The following NUP188 variants were observed in gnomAD, a reference collection of about 807,000 sequenced individuals.
The protein encoded by NUP188 is nucleoporin NUP188.
Under a neutral mutation model 223.0 loss-of-function variants are expected in NUP188, and 97 were observed. The observed-to-expected ratio is 0.43, with a 90% CI of 0.37 to 0.51. The LOEUF (loss-of-function observed/expected upper bound fraction) is 0.51, where lower values mean the gene tolerates loss of function less well. Among genes scored for constraint, NUP188 ranks in the 20% least tolerant of loss-of-function variants. The probability of loss-of-function intolerance (pLI) is 0.00; values close to 1 mark genes in which losing one functional copy is unlikely to be tolerated. For missense variants in NUP188, 1,947 were observed against 2,175.6 expected, an observed-to-expected ratio of 0.89 and a Z score of 2.09; for synonymous variants, 869 against 828.0, an observed-to-expected ratio of 1.05 and a Z score of -0.85.
intron 8 of NUP188, among the ~76,000 whole-genome samples, chr9:128,967,212 GT>G (rs1842041804): frequency 6.6e-6 from 1 of 152,098 alleles, no homozygotes; most frequent in African/African-American, 2.4e-5. Flanking sequence ...GTCTCACTGT[GT>G]TTCCCAGACT....
At chr9:128,950,244 G>T (rs1039689336) in intron 2 of NUP188, among the ~76,000 whole-genome samples, 6 of 151,182 alleles carry the variant, frequency 4.0e-5, no homozygotes, top group Admixed American at 2.6e-4. Flanking sequence ...TTGTTGTTGA[G>T]ACAGAGTCTG....
intron 4 of NUP188, among the ~76,000 whole-genome samples, chr9:128,956,644 A>G (rs915227150): frequency 6.6e-6 from 1 of 152,220 alleles, no homozygotes; most frequent in Non-Finnish European, 1.5e-5. Context: ...TTCACCAGAC[A>G]TGTGGTGGTC....
chr9:128,981,429 T>G (rs780603765), intron 15 of NUP188, 39 bp downstream of exon 15: 6 of 1,579,578 alleles, frequency 3.8e-6, no homozygotes, highest in African/African-American at 1.4e-5. Context: ...CAGCTTTTTT[T>G]TTTTTTGATG....
chr9:128,949,127 G>T, intron 1 of NUP188, 62 bp from the exon 2 acceptor site: 2 of 1,195,420 alleles, frequency 1.7e-6, no homozygotes, highest in South Asian at 2.6e-5. Flanking sequence ...ATGGCTATGA[G>T]GCAGTGTACA....
intron 8 of NUP188, among the ~76,000 whole-genome samples, chr9:128,959,746 G>A (rs896821380): frequency 6.6e-6 from 1 of 151,510 alleles, no homozygotes; most frequent in Non-Finnish European, 1.5e-5. Flanking sequence ...CACCATGTTG[G>A]CCAGGCTGGT....
rs534859236 is a variant in NUP188, at chr9:128,953,036, CTAGAAATACAGTATTG to C, written c.161+196_161+211del. 459 of 532,232 alleles carry C rather than the reference CTAGAAATACAGTATTG, an allele frequency of 8.6e-4. 4 individuals are homozygous for C. The highest frequency in any genetic ancestry group is 8.3e-3 in the African/African-American group (432 of 51,888). The allele number at this position is 532,232 out of a possible 1,614,324, so 33.0% of individuals were successfully genotyped here. On this transcript the variant is annotated intron_variant, in intron 3 of 43. Coordinates refer to ENST00000372577, the MANE Select transcript of NUP188 (RefSeq NM_015354.3). The stretch of plus-strand genomic sequence containing the variant: ...TGACCGAAAGAAAAGGAAATTCCTT[CTAGAAATACAGTATTG>C]TAGAATATAATTATGACCTATGTGT...
At chr9:128,996,267 A>T (rs150317193) in intron 30 of NUP188, among the ~76,000 whole-genome samples, 1 of 151,642 alleles carries the variant, frequency 6.6e-6, no homozygotes, top group East Asian at 1.9e-4. Flanking sequence ...CTCCTGTCTC[A>T]GCCTCCCAGG....
chr9:128,959,516 A>C, intron 8 of NUP188, among the ~76,000 whole-genome samples: 1 of 150,122 alleles, frequency 6.7e-6, no homozygotes. Flanking sequence ...CATTTAAAAC[A>C]TACAGATTAT....
intron 10 of NUP188, among the ~76,000 whole-genome samples, chr9:128,969,960 C>T (rs1347611948): frequency 6.6e-6 from 1 of 151,716 alleles, no homozygotes; most frequent in East Asian, 1.9e-4. Context: ...CAGAGTCTTC[C>T]TCTATCACCC....
chr9:128,992,056 G>A (rs1013913799), intron 25 of NUP188, among the ~76,000 whole-genome samples: 5 of 151,208 alleles, frequency 3.3e-5, no homozygotes, highest in Non-Finnish European at 7.4e-5. Context: ...ACAGGCGCCT[G>A]CCACTGCACC....
In NUP188 at chr9:128,986,674, G is replaced by A. The variant is rs1387326292; in HGVS notation, c.2193G>A (p.Gln731=). The change falls in exon 21 of 44, where the codon CAG becomes CAA. Residue 731 remains glutamine (Q), a synonymous_variant. Coordinates refer to ENST00000372577, the MANE Select transcript of NUP188 (RefSeq NM_015354.3). ...ACAACTCTCATGGAGTGAGGGAACA[G>A]ATTGGTAAGGACAGCATGGGCAGGG... The part of the protein sequence containing the change: ...WRYNSHGVRE[Q]IGCLILELIH... 3.7e-6 allele frequency: 6 copies of A among 1,614,234 alleles called. No homozygotes were observed. Among genetic ancestry groups the A allele is most frequent in the African/African-American group, 1.3e-5 (1 of 75,060 alleles).
rs560541146 is a variant in NUP188, at chr9:128,975,537, T to C, written c.1203+2288T>C. On this transcript the variant is annotated intron_variant, in intron 12 of 43. Transcript: ENST00000372577. ...GCGCCTGGCCTTATTTATTTTTCTTTAAGACGGAGTCTCGCTCTGTCGCCC... is the reference window on the plus strand; with the variant it reads ...GCGCCTGGCCTTATTTATTTTTCTTCAAGACGGAGTCTCGCTCTGTCGCCC... Among the ~76,000 whole-genome samples, 13 of 152,058 alleles carry C rather than the reference T, an allele frequency of 8.5e-5. No individual in the cohort carries two copies. In the East Asian group the frequency reaches 2.5e-3, roughly 29 times the overall value.
At chr9:128,948,394 A>G (rs1292642684) in intron 1 of NUP188, 1 of 152,180 alleles carries the variant, frequency 6.6e-6, no homozygotes, top group Non-Finnish European at 1.5e-5. Context: ...ATATACGAAA[A>G]CTACAATTCT....
At position 129,006,571 on chromosome 9, in the gene NUP188, C is replaced by T. The variant is rs915551456; in HGVS notation, c.5143C>T (p.Leu1715Phe). The T allele has an allele frequency of 1.1e-5, 17 of 1,614,102 alleles. No individual in the cohort carries two copies. The highest frequency in any genetic ancestry group is 1.7e-5 in the Admixed American group (1 of 60,012). The change falls in exon 44 of 44, where the codon CTC becomes TTC. Residue 1715 changes from leucine to phenylalanine, a missense_variant. Physicochemically the swap from Leu to Phe is conservative, Grantham distance 22. This residue lies in a region of NUP188 where 905 missense variants were observed against 990.6 expected (regional missense o/e 0.91). Transcript: ENST00000372577. ...CCCCAGCTCCCCTGCCACTGGTGTC[C>T]TCCCCTCGCCGCAGGGCAAGTCCAC... ...GAPSSPATGV[L>F]PSPQGKSTSL...
In NUP188 at chr9:128,987,602, C is replaced by T. The variant is rs1462404075; in HGVS notation, c.2278C>T (p.Leu760=). ...TCTGTCTTCCAGTCATACTCCCAGC[C>T]TGCAGTTTCTCTGCATCTGCAGCCT... ...TDLHSSHTPS[L]QFLCICSLAY... Residue 760 remains leucine (L), a synonymous_variant, in exon 23 of 44, where the codon CTG becomes TTG. Coordinates refer to ENST00000372577, the MANE Select transcript of NUP188 (RefSeq NM_015354.3). 1 of 1,613,094 alleles carries T rather than the reference C, an allele frequency of 6.2e-7. No homozygotes were observed. The highest frequency in any genetic ancestry group is 1.1e-5 in the South Asian group (1 of 90,854).
Position 129,001,626 on chromosome 9 carries a change from C to G in NUP188, c.3941C>G (p.Pro1314Arg). The G allele has an allele frequency of 6.2e-7, 1 of 1,614,008 alleles. No individual in the cohort carries two copies. Among genetic ancestry groups the G allele is most frequent in the Admixed American group, 1.7e-5 (1 of 60,008 alleles). The change falls in exon 35 of 44, where the codon CCC (proline) becomes CGC (arginine). Residue 1314 changes from proline to arginine, a missense_variant. Transcript: ENST00000372577. ...LQVTRRLPILPTLLTTLEVSL... is the reference protein window; with the variant it reads ...LQVTRRLPILRTLLTTLEVSL... ...GTAACCCGCAGGCTCCCCATCCTAC[C>G]CACCCTCCTCACCACTCTAGAGGTG...
At chr9:128,966,288 T>G (rs865955851) in intron 8 of NUP188, among the ~76,000 whole-genome samples, 10 of 136,842 alleles carry the variant, frequency 7.3e-5, no homozygotes, top group African/African-American at 2.4e-4. Flanking sequence ...GTGTGTGTGT[T>G]TGTGTGTGTG....
At chr9:128,956,212 CGTGTGTGTGTTT>C (rs1841868958) in intron 3 of NUP188, 126 bp from the exon 4 acceptor site, 5 of 348,282 alleles carry the variant, frequency 1.4e-5, no homozygotes, top group African/African-American at 1.2e-4. Context: ...TGTGTGTGTG[CGTGTGTGTGTTT>C]GTGTGTGTGT....
rs142485598 is a variant in NUP188 at position 128,980,390 on chromosome 9, G to A, written c.1270-216G>A. Among the ~76,000 whole-genome samples, 70 of 152,190 alleles carry A rather than the reference G, an allele frequency of 4.6e-4. 1 individual carries two copies. In the East Asian group the frequency reaches 0.011, roughly 23 times the overall value. ...AAAGGATGGCTGGGAAGAGGTCACT[G>A]GATAGAATAGTAATCTTTTTTTAGG... On this transcript the variant is annotated intron_variant, in intron 13 of 43. Transcript: ENST00000372577.
Sources: gnomAD v4.1 joint callset for allele counts (sites outside exome capture counted in the v4.1 genomes callset) on GRCh38, gnomAD v4.1.1 for gene constraint, gnomAD v4.1.1 regional missense constraint, MANE v1.5 for transcripts, NCBI Gene and HGNC (gene_info 2026-07-23, HGNC 2026-07-21) for gene names.